Variants in SNX29 observed in about 807,000 individuals in gnomAD.
The protein encoded by SNX29 is sorting nexin 29.
In SNX29, 78 loss-of-function variants were observed where a neutral mutation model predicts 102.1. The observed-to-expected ratio is 0.76, with a 90% CI of 0.64 to 0.92. The LOEUF (loss-of-function observed/expected upper bound fraction) is 0.92, where lower values mean the gene tolerates loss of function less well. Among genes scored for constraint, SNX29 ranks in the 40% least tolerant of loss-of-function variants. The pLI is 0.00. For missense variants in SNX29, 1,280 were observed against 1,061.7 expected, an observed-to-expected ratio of 1.21 and a Z score of -2.86; for synonymous variants, 580 against 414.5, an observed-to-expected ratio of 1.40 and a Z score of -4.85.
intron 20 of SNX29, among the ~76,000 whole-genome samples, chr16:12,542,899 G>C (rs1263393153): frequency 6.6e-6 from 1 of 152,114 alleles, no homozygotes; most frequent in Non-Finnish European, 1.5e-5. Context: ...AACATGATTT[G>C]AGTAGGGAAT....
chr16:12,564,776 T>C (rs1252429574), intron 20 of SNX29, among the ~76,000 whole-genome samples: 1 of 151,760 alleles, frequency 6.6e-6, no homozygotes, highest in African/African-American at 2.4e-5. Context: ...GCTTTATGAT[T>C]GCAGCCAGCT....
chr16:12,015,387 C>T (rs533253509), intron 3 of SNX29, among the ~76,000 whole-genome samples: 20 of 152,064 alleles, frequency 1.3e-4, no homozygotes, highest in African/African-American at 3.4e-4. Flanking sequence ...ATTACAGGCA[C>T]GCACCACCAT....
At chr16:12,279,527 C>A (rs1306017815) in intron 15 of SNX29, among the ~76,000 whole-genome samples, 1 of 152,212 alleles carries the variant, frequency 6.6e-6, no homozygotes, top group East Asian at 1.9e-4. Flanking sequence ...TCCTTGGGAG[C>A]TCCCTCAGTG....
At chr16:12,566,843 GTTTC>G (rs1280418903) in intron 20 of SNX29, among the ~76,000 whole-genome samples, 4 of 152,206 alleles carry the variant, frequency 2.6e-5, no homozygotes, top group African/African-American at 4.8e-5. Flanking sequence ...AAGGTCAAAT[GTTTC>G]TTTTTCATCC....
At chr16:12,228,389 T>C (rs1330527447) in intron 14 of SNX29, among the ~76,000 whole-genome samples, 3 of 152,252 alleles carry the variant, frequency 2.0e-5, no homozygotes, top group Admixed American at 2.0e-4. Flanking sequence ...TGGTCCGAGT[T>C]GGCACTCGAG....
intron 20 of SNX29, chr16:12,545,506 T>C (rs1304020294): frequency 6.6e-6 from 1 of 152,278 alleles, no homozygotes; most frequent in Non-Finnish European, 1.5e-5. Context: ...AGACCGTGTG[T>C]CCTGTCAGAG....
chr16:12,419,567 C>A lies in SNX29; in HGVS notation c.2037+16038C>A, dbSNP rs561947168. Among the ~76,000 whole-genome samples the A allele has an allele frequency of 2.8e-4, 43 of 151,826 alleles. 1 individual carries two copies. The South Asian group carries it at 8.8e-3, about 31-fold the overall frequency. On this transcript the variant is annotated intron_variant, in intron 18 of 20. Transcript: ENST00000566228. The stretch of plus-strand genomic sequence containing the variant: ...GCTTAGTGTCATCAGACTCAGCCCC[C>A]CCCCCCATCTTTCTGTCGATTTGCG...
At chr16:12,239,396 A>T (rs189702362) in intron 14 of SNX29, among the ~76,000 whole-genome samples, 2 of 152,240 alleles carry the variant, frequency 1.3e-5, no homozygotes, top group East Asian at 3.9e-4. Flanking sequence ...GGTCGTATGT[A>T]GCCTACTGGA....
intron 18 of SNX29, among the ~76,000 whole-genome samples, chr16:12,416,135 C>T (rs1011136444): frequency 6.6e-6 from 1 of 152,168 alleles, no homozygotes; most frequent in Admixed American, 6.5e-5. Flanking sequence ...GAACCCAGAA[C>T]TGGGCAGGCT....
intron 18 of SNX29, among the ~76,000 whole-genome samples, chr16:12,429,259 C>T (rs925621224): frequency 2.0e-5 from 3 of 152,122 alleles, no homozygotes; most frequent in Admixed American, 2.0e-4. Context: ...TTAATATCTC[C>T]TTCTAGTTAG....
chr16:12,139,272 G>T (rs1019531621), intron 13 of SNX29, among the ~76,000 whole-genome samples: 1 of 149,720 alleles, frequency 6.7e-6, no homozygotes. Flanking sequence ...AGACCGATCA[G>T]GTCCCTCTGA....
In SNX29 at chr16:12,568,920, T is replaced by A; in HGVS notation, c.*291T>A. The stretch of plus-strand genomic sequence containing the variant: ...CAAGGGCTGTTCCTCCACCTTTCTG[T>A]AGTTCAGGGCTGGCAGGAGGGTGGG... On this transcript the variant is annotated 3_prime_UTR_variant, in exon 21 of 21. Coordinates refer to ENST00000566228, the MANE Select transcript of SNX29 (RefSeq NM_032167.5). The A allele has an allele frequency of 2.3e-6, 1 of 432,156 alleles. No homozygotes were observed. The highest frequency in any genetic ancestry group is 4.1e-6 in the Non-Finnish European group (1 of 243,240). The allele number at this position is 432,156 out of a possible 1,614,324, so 26.8% of individuals were successfully genotyped here. A position where few individuals can be genotyped will look rare whatever the true frequency, so the allele number is the denominator to read the frequency against.
chr16:12,487,489 C>G (rs79855682), intron 19 of SNX29, among the ~76,000 whole-genome samples: 13,922 of 152,124 alleles, frequency 0.092, 802 homozygotes, highest in African/African-American at 0.17. Context: ...AGCATCTTGC[C>G]CAAGCTCCCG....
At chr16:12,020,253 G>A (rs1328108892) in intron 3 of SNX29, among the ~76,000 whole-genome samples, 2 of 151,982 alleles carry the variant, frequency 1.3e-5, no homozygotes, top group African/African-American at 4.8e-5. Flanking sequence ...TTCCTGAGTA[G>A]CTGGGACTAC....
At chr16:12,148,964 A>G (rs2055182921) in intron 13 of SNX29, among the ~76,000 whole-genome samples, 1 of 152,072 alleles carries the variant, frequency 6.6e-6, no homozygotes. Flanking sequence ...AGCCTCCCAA[A>G]GTGCTGGGAT....
At chr16:12,404,541 G>T (rs1387973219) in intron 18 of SNX29, among the ~76,000 whole-genome samples, 5 of 151,982 alleles carry the variant, frequency 3.3e-5, no homozygotes, top group African/African-American at 7.3e-5. Context: ...AATAATTGTC[G>T]TTAGGTTTTG....
At chr16:12,313,376 C>T (rs1429061009) in intron 15 of SNX29, among the ~76,000 whole-genome samples, 1 of 152,142 alleles carries the variant, frequency 6.6e-6, no homozygotes, top group Non-Finnish European at 1.5e-5. Context: ...ATAATTATGC[C>T]TACACCCTGA....
intron 13 of SNX29, among the ~76,000 whole-genome samples, chr16:12,188,299 A>C (rs1472096928): frequency 6.6e-6 from 1 of 152,202 alleles, no homozygotes; most frequent in Non-Finnish European, 1.5e-5. Context: ...TATAAATGCT[A>C]AACTGGGGCT....
intron 20 of SNX29, among the ~76,000 whole-genome samples, chr16:12,552,145 C>T (rs1430490971): frequency 6.6e-6 from 1 of 152,204 alleles, no homozygotes; most frequent in Non-Finnish European, 1.5e-5. Context: ...AGGCCACATT[C>T]CAGTACAGCT....
Sources: gnomAD v4.1 joint callset for allele counts (sites outside exome capture counted in the v4.1 genomes callset) on GRCh38, gnomAD v4.1.1 for gene constraint, MANE v1.5 for transcripts, NCBI Gene and HGNC (gene_info 2026-07-23, HGNC 2026-07-21) for gene names.